The following PDE1C variants were observed in gnomAD, a reference collection of about 807,000 sequenced individuals.
The protein encoded by PDE1C is phosphodiesterase 1C, also known as dual specificity calcium/calmodulin-dependent 3',5'-cyclic nucleotide phosphodiesterase 1C.
A neutral mutation model predicts 93.1 loss-of-function variants in PDE1C; 62 were observed. That is an observed-to-expected ratio of 0.67 (90% CI 0.54 to 0.82). PDE1C has a LOEUF of 0.82. PDE1C is among the 40% of genes least tolerant of loss of function. PDE1C has a pLI of 0.00. For synonymous variants in PDE1C, 325 were observed against 310.1 expected (o/e 1.05, Z -0.50); for missense variants, 742 against 884.6 (o/e 0.84, Z 2.04).
chr7:32,209,409 G>T, intron 2 of PDE1C: 2 of 1,123,236 alleles, frequency 1.8e-6, no homozygotes, highest in Non-Finnish European at 2.6e-6. Flanking sequence ...GAATTGAAGA[G>T]CTATACCGCA....
the PDE1C span, among the ~76,000 whole-genome samples, chr7:31,663,059 T>A: frequency 5.9e-5 from 9 of 152,170 alleles, no homozygotes; most frequent in African/African-American, 1.2e-4. Flanking sequence ...ATGCCACTTA[T>A]AACTCCCGGT....
chr7:31,648,663 C>T, the PDE1C span, among the ~76,000 whole-genome samples: 1 of 152,154 alleles, frequency 6.6e-6, no homozygotes, highest in Non-Finnish European at 1.5e-5. Flanking sequence ...CCTATTTGAG[C>T]ACTACACTTC....
intron 1 of PDE1C, among the ~76,000 whole-genome samples, chr7:32,403,265 C>T (rs1784986659): frequency 6.6e-6 from 1 of 152,176 alleles, no homozygotes; most frequent in Admixed American, 6.5e-5. Flanking sequence ...AGCCAGGAGA[C>T]CTGGATTCAA....
At chr7:31,652,407 C>T in the PDE1C span, 1 of 1,443,312 alleles carries the variant, frequency 6.9e-7, no homozygotes, top group Non-Finnish European at 9.1e-7. Context: ...GCTCAAAGAG[C>T]CCATTCTAGA....
At chr7:31,923,040 T>C (rs1418794170) in intron 2 of PDE1C, among the ~76,000 whole-genome samples, 2 of 152,136 alleles carry the variant, frequency 1.3e-5, no homozygotes, top group East Asian at 3.9e-4. Context: ...GGACTAAACA[T>C]AGAGCAGTGA....
At chr7:32,387,252 T>C (rs1027744662) in intron 1 of PDE1C, among the ~76,000 whole-genome samples, 9 of 152,248 alleles carry the variant, frequency 5.9e-5, no homozygotes, top group African/African-American at 1.9e-4. Flanking sequence ...CAGAACAAAA[T>C]GAAAAGTCTC....
chr7:32,263,739 T>A (rs1347067512), intron 1 of PDE1C, among the ~76,000 whole-genome samples: 1 of 152,212 alleles, frequency 6.6e-6, no homozygotes, highest in Non-Finnish European at 1.5e-5. Context: ...GAGATTTTTT[T>A]AAGAATACAC....
rs1277635723 is a variant in PDE1C at position 31,835,053 on chromosome 7, C to T, written c.1203+2127G>A. Reference sequence around the variant, plus strand: ...GGTTTTATAATGGAAAAATCCCTTTCACTTGGTCCTCATTCTCTCTCTTTG... The same window carrying T: ...GGTTTTATAATGGAAAAATCCCTTTTACTTGGTCCTCATTCTCTCTCTTTG... On this transcript the variant is annotated intron_variant, in intron 11 of 17. Coordinates refer to ENST00000396191, the MANE Select transcript of PDE1C (RefSeq NM_001191057.4). Among the ~76,000 whole-genome samples the T allele has an allele frequency of 2.0e-5, 3 of 152,140 alleles. No individual in the cohort carries two copies. The East Asian group carries it at 5.8e-4, about 30-fold the overall frequency.
At chr7:32,133,823 T>G (rs988437804) in intron 3 of PDE1C, among the ~76,000 whole-genome samples, 25 of 152,024 alleles carry the variant, frequency 1.6e-4, no homozygotes, top group Non-Finnish European at 4.4e-5. Flanking sequence ...CCAAATATCA[T>G]AATTACCAGA....
upstream of PDE1C, chr7:32,071,224 C>A: frequency 1.0e-6 from 1 of 985,428 alleles, no homozygotes; most frequent in Non-Finnish European, 1.2e-6. Flanking sequence ...GAGCTCGGCT[C>A]CGCGCGCAAG....
At chr7:32,406,156 G>A (rs1351105636) in intron 1 of PDE1C, among the ~76,000 whole-genome samples, 12 of 152,136 alleles carry the variant, frequency 7.9e-5, no homozygotes, top group Non-Finnish European at 1.6e-4. Context: ...GGCAAAAACA[G>A]GACTAGCACG....
intron 2 of PDE1C, among the ~76,000 whole-genome samples, chr7:32,029,474 C>A (rs940960612): frequency 3.3e-5 from 5 of 151,980 alleles, no homozygotes; most frequent in African/African-American, 9.7e-5. Context: ...CAAAGAATTT[C>A]TCAACTAAAG....
At chr7:32,372,100 C>G (rs1263066728) in intron 1 of PDE1C, among the ~76,000 whole-genome samples, 1 of 141,074 alleles carries the variant, frequency 7.1e-6, no homozygotes, top group Non-Finnish European at 1.5e-5. Flanking sequence ...GTCACCCAGG[C>G]TGGAGTGCAG....
At chr7:31,949,337 G>A (rs1807050942) in intron 2 of PDE1C, among the ~76,000 whole-genome samples, 1 of 152,146 alleles carries the variant, frequency 6.6e-6, no homozygotes, top group Non-Finnish European at 1.5e-5. Flanking sequence ...GCACACACCT[G>A]TAATCCCAGC....
chr7:32,057,485 C>T (rs1794280479), intron 1 of PDE1C, among the ~76,000 whole-genome samples: 1 of 152,190 alleles, frequency 6.6e-6, no homozygotes, highest in Admixed American at 6.5e-5. Flanking sequence ...TGGTCACATC[C>T]TGACAGGCAG....
rs143591188 is a variant in PDE1C at position 32,390,906 on chromosome 7, G to A, written c.310+36916C>T. 3.9e-3 allele frequency among the ~76,000 whole-genome samples: 588 copies of A among 151,782 alleles called. 6 individuals carry two copies. Among genetic ancestry groups the A allele is most frequent in the African/African-American group, 0.013 (544 of 41,396 alleles). Reference sequence around the variant, plus strand: ...AAATTATAGTAAAATAAAATTAAAGGCATTAAAATAATCATTCAAAATTAT... The same window carrying A: ...AAATTATAGTAAAATAAAATTAAAGACATTAAAATAATCATTCAAAATTAT... On this transcript the variant is annotated intron_variant, in intron 1 of 1. Transcript: ENST00000672256.
chr7:31,678,591 G>A, the PDE1C span, among the ~76,000 whole-genome samples: 1 of 152,170 alleles, frequency 6.6e-6, no homozygotes, highest in Non-Finnish European at 1.5e-5. Context: ...CTACTGTGGA[G>A]CCAAGCACTG....
intron 1 of PDE1C, among the ~76,000 whole-genome samples, chr7:32,222,055 A>G (rs1049620531): frequency 6.6e-6 from 1 of 152,098 alleles, no homozygotes; most frequent in Non-Finnish European, 1.5e-5. Flanking sequence ...CCACAACTTC[A>G]CTTGAGGTGC....
chr7:31,911,998 G>C (rs1323952352), intron 2 of PDE1C, among the ~76,000 whole-genome samples: 1 of 152,128 alleles, frequency 6.6e-6, no homozygotes, highest in Non-Finnish European at 1.5e-5. Flanking sequence ...ATTCTCTGTT[G>C]TGCTGCTTCA....
Sources: allele counts gnomAD v4.1 joint callset (sites outside exome capture counted in the v4.1 genomes callset), GRCh38; gene constraint gnomAD v4.1.1; transcripts MANE v1.5; gene names NCBI Gene and HGNC (gene_info 2026-07-23, HGNC 2026-07-21).